Variants in GPC5 observed in about 807,000 individuals in gnomAD.
GPC5 encodes the protein glypican 5, also known as glypican-5.
Under a neutral mutation model 53.9 loss-of-function variants are expected in GPC5, and 47 were observed. The ratio of observed to expected loss-of-function variants is 0.87; its 90% confidence interval spans 0.69 to 1.11. The LOEUF is 1.11. Among genes scored for constraint, GPC5 ranks in the 50% most tolerant of loss-of-function variants. The pLI, the probability that GPC5 is intolerant of heterozygous loss-of-function variation, is 0.00. For synonymous variants in GPC5, 286 were observed against 263.3 expected (o/e 1.09, Z -0.84); for missense variants, 748 against 713.1 (o/e 1.05, Z -0.56).
chr13:91,941,919 G>C (rs190870697), intron 6 of GPC5, among the ~76,000 whole-genome samples: 2 of 152,124 alleles, frequency 1.3e-5, no homozygotes, highest in East Asian at 3.9e-4. Flanking sequence ...TAGAAATTGT[G>C]CATATTCAAG....
chr13:91,947,774 T>C (rs2039987183), intron 6 of GPC5, among the ~76,000 whole-genome samples: 1 of 152,154 alleles, frequency 6.6e-6, no homozygotes, highest in Admixed American at 6.5e-5. Context: ...TAGTTGGAAG[T>C]TGGGACGGGA....
chr13:91,857,669 G>A (rs552615994), intron 5 of GPC5, among the ~76,000 whole-genome samples: 4 of 150,556 alleles, frequency 2.7e-5, no homozygotes, highest in African/African-American at 7.3e-5. Context: ...AAGTTACAAG[G>A]ACATACATAC....
intron 7 of GPC5, among the ~76,000 whole-genome samples, chr13:92,306,303 C>A (rs2043110409): frequency 6.6e-6 from 1 of 152,158 alleles, no homozygotes; most frequent in African/African-American, 2.4e-5. Flanking sequence ...ATCTCAGACT[C>A]AATGCCTCTG....
At chr13:92,209,878 C>T (rs2139072948) in intron 7 of GPC5, among the ~76,000 whole-genome samples, 2 of 152,206 alleles carry the variant, frequency 1.3e-5, no homozygotes, top group South Asian at 4.2e-4. Flanking sequence ...CATCTGCAAG[C>T]TGAGGAGGAA....
intron 6 of GPC5, among the ~76,000 whole-genome samples, chr13:92,104,335 A>G (rs1028165656): frequency 2.6e-5 from 4 of 152,198 alleles, no homozygotes; most frequent in African/African-American, 9.7e-5. Context: ...TCTTGAAGAA[A>G]TGCTCTTCAA....
intron 7 of GPC5, among the ~76,000 whole-genome samples, chr13:92,369,429 G>C (rs966848277): frequency 6.6e-6 from 1 of 152,156 alleles, no homozygotes; most frequent in Non-Finnish European, 1.5e-5. Context: ...CCTCCCACCA[G>C]GGCCTCCCAA....
intron 7 of GPC5, among the ~76,000 whole-genome samples, chr13:92,227,692 A>G (rs750942450): frequency 2.0e-5 from 3 of 150,982 alleles, no homozygotes; most frequent in Non-Finnish European, 2.9e-5. Context: ...CCCTTGAACT[A>G]TATTGGTGCC....
intron 7 of GPC5, among the ~76,000 whole-genome samples, chr13:92,400,658 T>C (rs1247472106): frequency 6.6e-6 from 1 of 152,236 alleles, no homozygotes. Flanking sequence ...CTTTTGAAAT[T>C]CACGAAGCAC....
chr13:91,638,797 C>T (rs919974347), intron 2 of GPC5, among the ~76,000 whole-genome samples: 2 of 152,016 alleles, frequency 1.3e-5, no homozygotes, highest in Non-Finnish European at 2.9e-5. Context: ...GAGAAAAAGC[C>T]CGTTAGCTAA....
At chr13:92,100,362 A>C (rs2041456272) in intron 6 of GPC5, among the ~76,000 whole-genome samples, 1 of 152,194 alleles carries the variant, frequency 6.6e-6, no homozygotes, top group Non-Finnish European at 1.5e-5. Flanking sequence ...AGATCACAGC[A>C]CTGCACTCCA....
chr13:92,029,506 T>C (rs1473849403), intron 6 of GPC5, among the ~76,000 whole-genome samples: 1 of 152,212 alleles, frequency 6.6e-6, no homozygotes, highest in Non-Finnish European at 1.5e-5. Context: ...GGACAACTTC[T>C]CGGGTTCAAC....
At chr13:91,748,183 A>G (rs1386561468) in intron 4 of GPC5, among the ~76,000 whole-genome samples, 2 of 152,366 alleles carry the variant, frequency 1.3e-5, no homozygotes, top group Admixed American at 1.3e-4. Flanking sequence ...TCTGTGATGT[A>G]TTAATTATGA....
At chr13:91,880,381 C>T (rs1472993242) in intron 5 of GPC5, among the ~76,000 whole-genome samples, 3 of 151,774 alleles carry the variant, frequency 2.0e-5, no homozygotes, top group Non-Finnish European at 2.9e-5. Flanking sequence ...AAAGAATGAA[C>T]TCGTGTATGT....
chr13:92,205,783 A>T (rs902897560), intron 7 of GPC5, among the ~76,000 whole-genome samples: 1 of 152,156 alleles, frequency 6.6e-6, no homozygotes, highest in African/African-American at 2.4e-5. Context: ...GCGGTGGCTC[A>T]CGCCTGTAAT....
chr13:92,064,972 A>G (rs1566419844), intron 6 of GPC5, among the ~76,000 whole-genome samples: 1 of 152,036 alleles, frequency 6.6e-6, no homozygotes, highest in Admixed American at 6.6e-5. Flanking sequence ...GAATACAACA[A>G]TCAGCATAAT....
chr13:91,677,792 G>C (rs1284642598), intron 2 of GPC5, among the ~76,000 whole-genome samples: 1 of 152,044 alleles, frequency 6.6e-6, no homozygotes, highest in East Asian at 1.9e-4. Flanking sequence ...TCATATCTTT[G>C]GAAGGACCTT....
chr13:92,628,381 C>T (rs1831866), intron 7 of GPC5, among the ~76,000 whole-genome samples: 146,675 of 150,020 alleles, frequency 0.98, 71,814 homozygotes, highest in East Asian at 1. Flanking sequence ...GCTCATGCCA[C>T]TCTCCTGCCT....
intron 6 of GPC5, among the ~76,000 whole-genome samples, chr13:92,097,266 T>C (rs903056355): frequency 1.3e-5 from 2 of 152,176 alleles, no homozygotes; most frequent in Non-Finnish European, 2.9e-5. Flanking sequence ...CTGTTGAAGG[T>C]CCAGCCTTGT....
chr13:92,529,411 A>G (rs1240281135), intron 7 of GPC5, among the ~76,000 whole-genome samples: 1 of 152,238 alleles, frequency 6.6e-6, no homozygotes, highest in African/African-American at 2.4e-5. Context: ...ATTATGGAAT[A>G]TTATTTAAGG....
Sources: allele counts gnomAD v4.1 joint callset (sites outside exome capture counted in the v4.1 genomes callset), GRCh38; gene constraint gnomAD v4.1.1; transcripts MANE v1.5; gene names NCBI Gene and HGNC (gene_info 2026-07-23, HGNC 2026-07-21).